Variants in LRRC37A2 observed in about 807,000 individuals in gnomAD.
The protein encoded by LRRC37A2 is leucine rich repeat containing 37 member A2.
A neutral mutation model predicts 68.8 loss-of-function variants in LRRC37A2; 9 were observed. That is an observed-to-expected ratio of 0.13 (90% confidence interval 0.08 to 0.23). The LOEUF is 0.23. LRRC37A2 is among the 10% of genes least tolerant of loss of function. The pLI is 1.00. For synonymous variants in LRRC37A2, 63 were observed against 367.6 expected, an observed-to-expected ratio of 0.17 and a Z score of 9.48; for missense variants, 168 against 950.4, an observed-to-expected ratio of 0.18 and a Z score of 10.82.
At chr17:46,894,784 G>A in the LRRC37A2 span, among the ~76,000 whole-genome samples, 259 of 152,060 alleles carry the variant, frequency 1.7e-3, 1 homozygote, top group African/African-American at 6.0e-3. Context: ...CAACCCACCC[G>A]CTCTGATAAA....
chr17:46,381,039 G>A, the LRRC37A2 span, among the ~76,000 whole-genome samples: 8 of 5,262 alleles, frequency 1.5e-3, 3 homozygotes, highest in African/African-American at 1.7e-3. Context: ...GCAGTGAGCC[G>A]AGATCCCGCC....
At chr17:46,927,869 T>C in the LRRC37A2 span, among the ~76,000 whole-genome samples, 1 of 152,146 alleles carries the variant, frequency 6.6e-6, no homozygotes, top group African/African-American at 2.4e-5. Flanking sequence ...ATGTCACTGT[T>C]CGTGTTGATC....
At chr17:46,978,661 A>T in the LRRC37A2 span, 2 of 1,607,530 alleles carry the variant, frequency 1.2e-6, no homozygotes, top group Middle Eastern at 1.7e-4. Flanking sequence ...CAGCCCCAGG[A>T]TGGCTGCGCC....
the LRRC37A2 span, chr17:46,966,698 C>A: frequency 8.0e-6 from 4 of 497,932 alleles, no homozygotes; most frequent in East Asian, 1.0e-4. Flanking sequence ...GTTCTATCAA[C>A]TATTAGCTGT....
chr17:46,791,498 C>T, the LRRC37A2 span, among the ~76,000 whole-genome samples: 1 of 152,156 alleles, frequency 6.6e-6, no homozygotes, highest in African/African-American at 2.4e-5. Context: ...TGAGCCACCA[C>T]GCCCGGCCTC....
chr17:46,489,327 G>A, the LRRC37A2 span, among the ~76,000 whole-genome samples: 1 of 96,162 alleles, frequency 1.0e-5, no homozygotes, highest in Admixed American at 1.1e-4. Flanking sequence ...TAGTAGAGAC[G>A]GGGTTTCACC....
the LRRC37A2 span, among the ~76,000 whole-genome samples, chr17:46,709,877 T>G: frequency 2.0e-5 from 3 of 152,162 alleles, no homozygotes; most frequent in Non-Finnish European, 4.4e-5. Context: ...ATTTGCCATA[T>G]CTAGGCCAAA....
At chr17:46,794,565 C>A in the LRRC37A2 span, among the ~76,000 whole-genome samples, 1 of 152,128 alleles carries the variant, frequency 6.6e-6, no homozygotes, top group African/African-American at 2.4e-5. Flanking sequence ...GCAGAACACA[C>A]TGTACCACCG....
chr17:46,913,390 G>C, the LRRC37A2 span, among the ~76,000 whole-genome samples: 1 of 152,254 alleles, frequency 6.6e-6, no homozygotes, highest in Non-Finnish European at 1.5e-5. Flanking sequence ...CCTGTGACGA[G>C]TGCTGAGAGG....
chr17:46,963,639 G>A, the LRRC37A2 span: 2 of 151,904 alleles, frequency 1.3e-5, no homozygotes, highest in East Asian at 1.9e-4. Flanking sequence ...TCAGTGTTCA[G>A]TTGTCACTTG....
At chr17:46,812,533 C>T in the LRRC37A2 span, among the ~76,000 whole-genome samples, 1 of 152,280 alleles carries the variant, frequency 6.6e-6, no homozygotes, top group African/African-American at 2.4e-5. Flanking sequence ...AGCCCCCTGG[C>T]TCTAGGTCCC....
At chr17:46,679,509 G>GT in the LRRC37A2 span, among the ~76,000 whole-genome samples, 8 of 129,268 alleles carry the variant, frequency 6.2e-5, no homozygotes, top group African/African-American at 1.8e-4. Context: ...GGTCAACATG[G>GT]TGTAACCCCA....
chr17:46,731,461 G>A, the LRRC37A2 span, among the ~76,000 whole-genome samples: 11 of 152,212 alleles, frequency 7.2e-5, no homozygotes, highest in Non-Finnish European at 1.3e-4. Context: ...ATACTGAATT[G>A]TACACTTTAA....
chr17:46,752,544 C>T, the LRRC37A2 span, among the ~76,000 whole-genome samples: 2 of 152,154 alleles, frequency 1.3e-5, no homozygotes, highest in African/African-American at 4.8e-5. Context: ...CAGTTTTGAC[C>T]TCGCAGGCTC....
the LRRC37A2 span, chr17:46,940,919 T>C: frequency 7.5e-7 from 1 of 1,327,068 alleles, no homozygotes; most frequent in African/African-American, 1.5e-5. Flanking sequence ...CAGTGCCTGG[T>C]GAAAAATAGA....
At chr17:46,724,373 A>T in the LRRC37A2 span, among the ~76,000 whole-genome samples, 1 of 152,214 alleles carries the variant, frequency 6.6e-6, no homozygotes, top group African/African-American at 2.4e-5. Context: ...AGTTCTGTTC[A>T]TTATATTTTC....
the LRRC37A2 span, among the ~76,000 whole-genome samples, chr17:46,900,251 G>GTA: frequency 1.8e-5 from 2 of 112,210 alleles, no homozygotes; most frequent in African/African-American, 7.9e-5. Flanking sequence ...ATATATATAT[G>GTA]TATATATATA....
the LRRC37A2 span, among the ~76,000 whole-genome samples, chr17:47,020,698 C>T: frequency 3.4e-4 from 47 of 136,530 alleles, no homozygotes; most frequent in African/African-American, 4.6e-4. Context: ...AGGAGAATGG[C>T]GTGAACCTGG....
At chr17:47,014,531 C>A in the LRRC37A2 span, among the ~76,000 whole-genome samples, 4 of 152,034 alleles carry the variant, frequency 2.6e-5, no homozygotes, top group African/African-American at 9.7e-5. Flanking sequence ...TCTGAAACTG[C>A]TTTCTGAGTG....
Sources: gnomAD v4.1 joint callset for allele counts (sites outside exome capture counted in the v4.1 genomes callset) on GRCh38, gnomAD v4.1.1 for gene constraint, MANE v1.5 for transcripts, NCBI Gene and HGNC (gene_info 2026-07-23, HGNC 2026-07-21) for gene names.